The following LRRC4C variants were observed in gnomAD, a reference collection of about 807,000 sequenced individuals.
The protein encoded by LRRC4C is leucine rich repeat containing 4C, also known as leucine-rich repeat-containing protein 4C.
Under a neutral mutation model 33.6 loss-of-function variants are expected in LRRC4C, and 5 were observed. That is an observed-to-expected ratio of 0.15 (90% CI 0.08 to 0.31). The LOEUF is 0.31. LRRC4C is among the 10% of genes least tolerant of loss of function. The pLI, the probability that LRRC4C is intolerant of heterozygous loss-of-function variation, is 1.00. For synonymous variants in LRRC4C, 329 were observed against 302.0 expected (o/e 1.09, Z -0.93); for missense variants, 560 against 796.7 (o/e 0.70, Z 3.58).
chr11:40,749,829 G>A (rs1483982887), intron 2 of LRRC4C, among the ~76,000 whole-genome samples: 1 of 151,858 alleles, frequency 6.6e-6, no homozygotes, highest in Non-Finnish European at 1.5e-5. Context: ...CGGAAATACA[G>A]AAGACCATCA....
chr11:40,691,041 A>G (rs1465993560), intron 2 of LRRC4C, among the ~76,000 whole-genome samples: 3 of 152,086 alleles, frequency 2.0e-5, no homozygotes, highest in African/African-American at 7.2e-5. Context: ...TGTTATCTTC[A>G]ACTTCAGCCA....
At chr11:40,990,274 T>C (rs1853439909) in intron 1 of LRRC4C, among the ~76,000 whole-genome samples, 1 of 119,820 alleles carries the variant, frequency 8.3e-6, no homozygotes, top group South Asian at 2.7e-4. Context: ...TATATATATA[T>C]GAATATATGA....
chr11:40,756,326 T>C (rs1286401239), intron 2 of LRRC4C, among the ~76,000 whole-genome samples: 1 of 152,120 alleles, frequency 6.6e-6, no homozygotes. Flanking sequence ...TTAGCACTCT[T>C]AAAGTATTCT....
intron 2 of LRRC4C, among the ~76,000 whole-genome samples, chr11:40,696,186 G>T (rs1401054639): frequency 6.8e-6 from 1 of 146,662 alleles, no homozygotes; most frequent in East Asian, 2.0e-4. Flanking sequence ...TCTATCATTT[G>T]CTACAGGCAC....
chr11:41,255,944 T>A (rs1591077254), intron 1 of LRRC4C, among the ~76,000 whole-genome samples: 2 of 152,066 alleles, frequency 1.3e-5, no homozygotes, highest in Admixed American at 1.3e-4. Context: ...AGTAGCTTGA[T>A]AATATCAAAT....
intron 1 of LRRC4C, among the ~76,000 whole-genome samples, chr11:41,096,584 T>C (rs1315162889): frequency 6.6e-6 from 1 of 152,080 alleles, no homozygotes; most frequent in East Asian, 1.9e-4. Flanking sequence ...GTGTTTATAG[T>C]AAACATATTT....
intron 1 of LRRC4C, among the ~76,000 whole-genome samples, chr11:41,109,902 G>A (rs1409488594): frequency 6.6e-6 from 1 of 151,928 alleles, no homozygotes; most frequent in African/African-American, 2.4e-5. Context: ...TTGTCTTGTA[G>A]TATTGCTTTT....
intron 2 of LRRC4C, among the ~76,000 whole-genome samples, chr11:40,707,791 G>A (rs1242697183): frequency 6.6e-6 from 1 of 152,166 alleles, no homozygotes; most frequent in Non-Finnish European, 1.5e-5. Context: ...AATGGCACAA[G>A]CTTCTCTTTG....
chr11:41,159,530 T>C (rs1368677833), intron 1 of LRRC4C, among the ~76,000 whole-genome samples: 1 of 152,090 alleles, frequency 6.6e-6, no homozygotes, highest in Non-Finnish European at 1.5e-5. Flanking sequence ...GCAGACAGAT[T>C]TTTTAAAATA....
At chr11:40,758,646 A>T (rs1372249746) in intron 2 of LRRC4C, among the ~76,000 whole-genome samples, 1 of 151,940 alleles carries the variant, frequency 6.6e-6, no homozygotes, top group African/African-American at 2.4e-5. Context: ...GATCTCTAAG[A>T]CTCTAGAAAA....
intron 4 of LRRC4C, among the ~76,000 whole-genome samples, chr11:40,264,470 A>G (rs1416570601): frequency 2.0e-5 from 3 of 152,208 alleles, no homozygotes; most frequent in Non-Finnish European, 4.4e-5. Context: ...CAAAAAACAC[A>G]GCACAGTGAG....
rs146859679 is a variant in LRRC4C, at chr11:40,892,308, A to G, written c.-407+41327T>C. On this transcript the variant is annotated intron_variant, in intron 2 of 6. Coordinates refer to ENST00000528697, the MANE Select transcript of LRRC4C (RefSeq NM_001258419.2). ...TGAAGCACTATTCACAACAGCCAAG[A>G]TTTGGAAGCAACCTAAATGTCCATT... 6.8e-3 allele frequency among the ~76,000 whole-genome samples: 1,031 copies of G among 152,252 alleles called. 12 individuals are homozygous for G. Among genetic ancestry groups the G allele is most frequent in the South Asian group, 0.042 (203 of 4,820 alleles).
At chr11:41,318,465 T>A (rs555248485) in intron 1 of LRRC4C, among the ~76,000 whole-genome samples, 39 of 152,318 alleles carry the variant, frequency 2.6e-4, no homozygotes, top group African/African-American at 9.1e-4. Context: ...TCGTCCTCAA[T>A]TTTTCCCTCT....
At position 41,422,467 on chromosome 11, in the gene LRRC4C, T is replaced by G. The variant is rs537814368; in HGVS notation, c.-496+36964A>C. Among the ~76,000 whole-genome samples, 11 of 152,118 alleles carry G rather than the reference T, an allele frequency of 7.2e-5. No homozygotes were observed. The East Asian group carries it at 1.9e-3, about 27-fold the overall frequency. On this transcript the variant is annotated intron_variant, in intron 1 of 6. Coordinates refer to ENST00000528697, the MANE Select transcript of LRRC4C (RefSeq NM_001258419.2). ...AATAATTGTGTGCTAAGATAATACT[T>G]GGAATTACTGCCACTATTTTGCAGT...
intron 1 of LRRC4C, among the ~76,000 whole-genome samples, chr11:41,056,256 A>T (rs1228536205): frequency 6.6e-6 from 1 of 152,176 alleles, no homozygotes; most frequent in East Asian, 1.9e-4. Flanking sequence ...ATCCAAGACA[A>T]ATGCACAGGT....
intron 3 of LRRC4C, among the ~76,000 whole-genome samples, chr11:40,597,496 A>C (rs1377712543): frequency 2.0e-5 from 3 of 152,122 alleles, no homozygotes; most frequent in Admixed American, 2.0e-4. Context: ...ACTGTATTTC[A>C]CTTCTCATCA....
chr11:40,748,402 G>T (rs926326303), intron 2 of LRRC4C, among the ~76,000 whole-genome samples: 5 of 151,986 alleles, frequency 3.3e-5, no homozygotes, highest in Non-Finnish European at 7.4e-5. Context: ...TACAAGAAAG[G>T]CTCAAGGGAG....
At chr11:40,245,394 A>G (rs1866250480) in intron 4 of LRRC4C, among the ~76,000 whole-genome samples, 1 of 152,198 alleles carries the variant, frequency 6.6e-6, no homozygotes, top group African/African-American at 2.4e-5. Context: ...ACTTAAATAC[A>G]GTGTTTTGCC....
intron 1 of LRRC4C, among the ~76,000 whole-genome samples, chr11:41,171,161 G>C (rs1352044274): frequency 6.6e-6 from 1 of 152,060 alleles, no homozygotes; most frequent in Non-Finnish European, 1.5e-5. Context: ...TGGTGGGACT[G>C]TAAACTAGTT....
Sources: allele counts gnomAD v4.1 joint callset (sites outside exome capture counted in the v4.1 genomes callset), GRCh38; gene constraint gnomAD v4.1.1; transcripts MANE v1.5; gene names NCBI Gene and HGNC (gene_info 2026-07-23, HGNC 2026-07-21).